SPIDR: variants seen among roughly 807,000 people sequenced by gnomAD.
SPIDR encodes the protein scaffold protein involved in DNA repair.
In SPIDR, 93 loss-of-function variants were observed where a neutral mutation model predicts 104.6. The ratio of observed to expected loss-of-function variants is 0.89; its 90% CI spans 0.75 to 1.06. SPIDR has a LOEUF of 1.06. SPIDR is among the 50% of genes least tolerant of loss of function. The pLI, the probability that SPIDR is intolerant of heterozygous loss-of-function variation, is 0.00. For missense variants in SPIDR, 1,154 were observed against 1,111.2 expected (o/e 1.04, Z -0.55); for synonymous variants, 431 against 416.9 (o/e 1.03, Z -0.41).
At chr8:47,691,284 C>G (rs2078600913) in intron 11 of SPIDR, among the ~76,000 whole-genome samples, 1 of 125,824 alleles carries the variant, frequency 7.9e-6, no homozygotes, top group Non-Finnish European at 1.7e-5. Flanking sequence ...GAGCAAGACT[C>G]CGTCTCAAAA....
At chr8:47,697,085 CT>C (rs1388091467) in intron 11 of SPIDR, among the ~76,000 whole-genome samples, 2 of 152,108 alleles carry the variant, frequency 1.3e-5, no homozygotes, top group Non-Finnish European at 2.9e-5. Flanking sequence ...CTCTATCTCT[CT>C]TGAGGGGTGT....
chr8:47,350,159 T>G (rs2053179062), intron 5 of SPIDR, among the ~76,000 whole-genome samples: 1 of 152,378 alleles, frequency 6.6e-6, no homozygotes, highest in Admixed American at 6.5e-5. Context: ...ATCCCCATTT[T>G]AATGAAATTT....
In SPIDR at chr8:47,619,471, C is replaced by T. The variant is rs113223709; in HGVS notation, c.1544+20275C>T. Among the ~76,000 whole-genome samples the T allele has an allele frequency of 1.1e-3, 163 of 152,286 alleles. 2 individuals carry two copies. Among genetic ancestry groups the T allele is most frequent in the African/African-American group, 3.7e-3 (155 of 41,566 alleles). ...GTGCAGCTCCCTTTCCTAGAAGGCT[C>T]TCTCCTATCTTGAGCTTGAACCTCT... On this transcript the variant is annotated intron_variant, in intron 10 of 19. Transcript: ENST00000297423.
chr8:47,642,766 G>A (rs2069382971), intron 10 of SPIDR, among the ~76,000 whole-genome samples: 1 of 152,070 alleles, frequency 6.6e-6, no homozygotes, highest in South Asian at 2.1e-4. Flanking sequence ...AAAATTAGCT[G>A]GGCATGATGG....
intron 8 of SPIDR, among the ~76,000 whole-genome samples, chr8:47,450,775 C>G (rs1207554001): frequency 1.3e-5 from 2 of 152,068 alleles, no homozygotes; most frequent in Non-Finnish European, 2.9e-5. Context: ...AGAAATCCAT[C>G]CCTCTATCGA....
At chr8:47,373,899 C>T (rs960609128) in intron 5 of SPIDR, among the ~76,000 whole-genome samples, 4 of 152,166 alleles carry the variant, frequency 2.6e-5, no homozygotes, top group African/African-American at 9.7e-5. Flanking sequence ...TAAGTACTTA[C>T]CCCTGAGGTT....
At chr8:47,735,112 GT>G (rs1261022856) in intron 19 of SPIDR, among the ~76,000 whole-genome samples, 194 bp from the exon 20 acceptor site, 5 of 76,444 alleles carry the variant, frequency 6.5e-5, no homozygotes, top group African/African-American at 3.4e-4. Flanking sequence ...GTGTGTGTGG[GT>G]GTGTGTGTGT....
intron 5 of SPIDR, among the ~76,000 whole-genome samples, chr8:47,327,751 C>G (rs782721492): frequency 6.6e-6 from 1 of 151,998 alleles, no homozygotes; most frequent in African/African-American, 2.4e-5. Flanking sequence ...TTAGTAGACA[C>G]GGGGTTTCAC....
In SPIDR at chr8:47,407,910, G is replaced by C. The variant is rs1554668392; in HGVS notation, c.826G>C (p.Ala276Pro). ...LNGLQNRERS[A>P]ISLWRHQCIS... ...TGGACTGCAGAATCGAGAGAGATCT[G>C]CTATTTCTTTGTGGAGACATCAATG... The change falls in exon 7 of 20, where the codon GCT becomes CCT. Residue 276 changes from alanine to proline, a missense_variant. Physicochemically the swap from Ala to Pro is conservative, Grantham distance 27. Coordinates refer to ENST00000297423, the MANE Select transcript of SPIDR (RefSeq NM_001080394.4). The C allele has an allele frequency of 1.2e-6, 2 of 1,605,788 alleles. No individual in the cohort carries two copies. Among genetic ancestry groups the C allele is most frequent in the African/African-American group, 2.7e-5 (2 of 74,706 alleles).
intron 8 of SPIDR, among the ~76,000 whole-genome samples, chr8:47,531,774 C>T (rs926220334): frequency 1.2e-4 from 18 of 152,182 alleles, no homozygotes; most frequent in African/African-American, 4.1e-4. Context: ...AATCTTTCAG[C>T]TCCATGATAA....
rs556927171 is a variant in SPIDR, at chr8:47,417,602, T to C, written c.877+9641T>C. Among the ~76,000 whole-genome samples the C allele has an allele frequency of 2.8e-3, 420 of 152,356 alleles. 1 individual carries two copies. The highest frequency in any genetic ancestry group is 9.9e-3 in the African/African-American group (410 of 41,574). Reference sequence around the variant, plus strand: ...TGTTCACTCTGATGGTAGTTTCTTTTGCTCTGCAGAAGCTCTTTAGTTTAA... The same window carrying C: ...TGTTCACTCTGATGGTAGTTTCTTTCGCTCTGCAGAAGCTCTTTAGTTTAA... On this transcript the variant is annotated intron_variant, in intron 7 of 19. Coordinates refer to ENST00000297423, the MANE Select transcript of SPIDR (RefSeq NM_001080394.4).
chr8:47,687,653 C>T (rs1383176618), intron 11 of SPIDR, among the ~76,000 whole-genome samples: 1 of 152,210 alleles, frequency 6.6e-6, no homozygotes, highest in Non-Finnish European at 1.5e-5. Context: ...ATTCAATAAA[C>T]ATGGTGGGTA....
chr8:47,374,851 G>C (rs2058461878), intron 5 of SPIDR, among the ~76,000 whole-genome samples: 1 of 152,174 alleles, frequency 6.6e-6, no homozygotes, highest in Non-Finnish European at 1.5e-5. Flanking sequence ...AAGTTAGGAA[G>C]TTTGAGACCA....
intron 8 of SPIDR, among the ~76,000 whole-genome samples, chr8:47,530,109 C>CA (rs1225375390): frequency 6.6e-6 from 1 of 152,204 alleles, no homozygotes; most frequent in East Asian, 1.9e-4. Flanking sequence ...CTAGGCTACA[C>CA]ACTTGTATAG....
intron 11 of SPIDR, among the ~76,000 whole-genome samples, chr8:47,676,567 T>C (rs2076478519): frequency 6.6e-6 from 1 of 152,176 alleles, no homozygotes; most frequent in South Asian, 2.1e-4. Context: ...TCGTAAACTT[T>C]AACAAAATAT....
chr8:47,604,952 C>T (rs901138258), intron 10 of SPIDR, among the ~76,000 whole-genome samples: 1 of 152,102 alleles, frequency 6.6e-6, no homozygotes, highest in African/African-American at 2.4e-5. Context: ...ATTTTGTTTG[C>T]GGGTGTCAGC....
chr8:47,299,759 A>G (rs2041675311), intron 5 of SPIDR, among the ~76,000 whole-genome samples: 1 of 152,062 alleles, frequency 6.6e-6, no homozygotes, highest in South Asian at 2.1e-4. Context: ...ACATTTATTG[A>G]TTTCTGTATG....
At chr8:47,620,169 A>G (rs549129368) in intron 10 of SPIDR, among the ~76,000 whole-genome samples, 3 of 152,324 alleles carry the variant, frequency 2.0e-5, no homozygotes, top group African/African-American at 4.8e-5. Context: ...TTGAAAGACA[A>G]AGTTCAGCCA....
At chr8:47,691,949 T>C (rs145817715) in intron 11 of SPIDR, among the ~76,000 whole-genome samples, 2 of 152,246 alleles carry the variant, frequency 1.3e-5, no homozygotes, top group African/African-American at 2.4e-5. Context: ...GCAGCACTAC[T>C]CTTTTATTGC....
Sources: allele counts gnomAD v4.1 joint callset (sites outside exome capture counted in the v4.1 genomes callset), GRCh38; gene constraint gnomAD v4.1.1; transcripts MANE v1.5; gene names NCBI Gene and HGNC (gene_info 2026-07-23, HGNC 2026-07-21).